The following ESR1 variants were observed in gnomAD, a reference collection of about 807,000 sequenced individuals.
The protein encoded by ESR1 is estrogen receptor 1, also known as estrogen receptor.
In ESR1, 12 loss-of-function variants were observed where a neutral mutation model predicts 52.7. That is an observed-to-expected ratio of 0.23 (90% CI 0.15 to 0.37). The LOEUF (loss-of-function observed/expected upper bound fraction) is 0.37. Ranked by LOEUF, ESR1 falls within the 10% of genes least tolerant of loss-of-function variation. The probability of loss-of-function intolerance (pLI) is 1.00; values close to 1 mark genes in which losing one functional copy is unlikely to be tolerated. For synonymous variants in ESR1, 305 were observed against 316.8 expected (o/e 0.96, Z 0.39); for missense variants, 584 against 779.7 (o/e 0.75, Z 2.99).
intron 4 of ESR1, among the ~76,000 whole-genome samples, chr6:151,980,231 A>G (rs1250888170): frequency 6.6e-6 from 1 of 152,186 alleles, no homozygotes; most frequent in Admixed American, 6.5e-5. Flanking sequence ...TCCAATTTGT[A>G]TTCTTCTTCT....
At chr6:151,673,707 A>T (rs2115264068) in intron 1 of ESR1, among the ~76,000 whole-genome samples, 1 of 152,218 alleles carries the variant, frequency 6.6e-6, no homozygotes, top group Non-Finnish European at 1.5e-5. Flanking sequence ...ACATAGTGAG[A>T]CCCTATCTCA....
intron 3 of ESR1, among the ~76,000 whole-genome samples, chr6:151,913,236 G>A (rs1798551661): frequency 6.6e-6 from 1 of 152,054 alleles, no homozygotes; most frequent in South Asian, 2.1e-4. Flanking sequence ...CCCACCACGT[G>A]CGGATTTTCA....
chr6:151,944,582 G>T, intron 4 of ESR1, 74 bp downstream of exon 4: 1 of 1,360,852 alleles, frequency 7.3e-7, no homozygotes, highest in African/African-American at 1.4e-5. Flanking sequence ...GGGAGAAATA[G>T]TGGGGGAAAA....
At chr6:151,672,846 T>A (rs1482215674) in intron 1 of ESR1, among the ~76,000 whole-genome samples, 114 of 127,788 alleles carry the variant, frequency 8.9e-4, no homozygotes, top group Non-Finnish European at 2.2e-4. Flanking sequence ...TTTTTTTTTT[T>A]GAGATGGAGT....
At chr6:151,955,372 G>A (rs1410194977) in intron 4 of ESR1, among the ~76,000 whole-genome samples, 2 of 152,104 alleles carry the variant, frequency 1.3e-5, no homozygotes, top group Non-Finnish European at 2.9e-5. Flanking sequence ...AAAAAGGGTT[G>A]AAATGGTAAA....
downstream of ESR1, among the ~76,000 whole-genome samples, chr6:152,104,144 C>T (rs1206706995): frequency 6.6e-6 from 1 of 152,120 alleles, no homozygotes; most frequent in Admixed American, 6.6e-5. Flanking sequence ...GTGGCTGACA[C>T]TGCTTCTCCC....
At position 152,101,977 on chromosome 6, in the gene ESR1, T is replaced by G. The variant is rs2050977519; in HGVS notation, c.*3011T>G. 1 of 215,640 alleles carries G rather than the reference T, an allele frequency of 4.6e-6. No individual in the cohort carries two copies. The allele number at this position is 215,640 out of a possible 1,614,324, so 13.4% of individuals were successfully genotyped here. ...CATGGAATAGCTAGTGGTCTGTGTT[T>G]CTTTTCGCCATTGCCTAGCTTGCCG... On this transcript the variant is annotated 3_prime_UTR_variant, in exon 8 of 8. Transcript: ENST00000206249.
At chr6:151,677,030 C>T (rs899422152) in intron 1 of ESR1, among the ~76,000 whole-genome samples, 1 of 152,072 alleles carries the variant, frequency 6.6e-6, no homozygotes, top group African/African-American at 2.4e-5. Context: ...CATATATATC[C>T]ATAAAGATGA....
At chr6:151,765,513 T>C (rs1365798240) in intron 2 of ESR1, among the ~76,000 whole-genome samples, 2 of 152,254 alleles carry the variant, frequency 1.3e-5, no homozygotes, top group Non-Finnish European at 2.9e-5. Context: ...GGACACATTG[T>C]GTTACTCTCG....
intron 3 of ESR1, among the ~76,000 whole-genome samples, chr6:151,927,852 G>A (rs1165860660): frequency 4.0e-5 from 6 of 151,472 alleles, no homozygotes; most frequent in African/African-American, 1.5e-4. Context: ...CGAGTAGCTG[G>A]TATTACAGGC....
At chr6:152,001,799 T>C (rs2041968776) in intron 4 of ESR1, among the ~76,000 whole-genome samples, 1 of 152,010 alleles carries the variant, frequency 6.6e-6, no homozygotes, top group African/African-American at 2.4e-5. Flanking sequence ...TCTCTCTTTG[T>C]TGCTGAAATT....
At chr6:151,686,081 T>A (rs1005203732), upstream of ESR1, among the ~76,000 whole-genome samples, 2 of 147,842 alleles carry the variant, frequency 1.4e-5, no homozygotes, top group Non-Finnish European at 3.0e-5. Context: ...TTTTTTTTTT[T>A]TTTTTTTATT....
chr6:151,948,227 G>A (rs2035932823), intron 4 of ESR1, among the ~76,000 whole-genome samples: 1 of 152,092 alleles, frequency 6.6e-6, no homozygotes, highest in Non-Finnish European at 1.5e-5. Context: ...TTCCCCAGAA[G>A]CTTGAATTGT....
upstream of ESR1, among the ~76,000 whole-genome samples, chr6:151,806,215 A>G (rs1777809425): frequency 6.6e-6 from 1 of 152,156 alleles, no homozygotes; most frequent in African/African-American, 2.4e-5. Context: ...CATTAATGCT[A>G]AACTCGATTT....
downstream of ESR1, among the ~76,000 whole-genome samples, chr6:152,107,946 C>T (rs2051085355): frequency 6.6e-6 from 1 of 152,204 alleles, no homozygotes; most frequent in Non-Finnish European, 1.5e-5. Flanking sequence ...TGACTAGGCT[C>T]AAACACCCTA....
At chr6:151,824,437 A>G (rs1244953425) in intron 1 of ESR1, among the ~76,000 whole-genome samples, 1 of 152,078 alleles carries the variant, frequency 6.6e-6, no homozygotes, top group Non-Finnish European at 1.5e-5. Flanking sequence ...GTTCACTCTG[A>G]CGGTAGTTTC....
intron 1 of ESR1, among the ~76,000 whole-genome samples, chr6:151,823,554 G>A (rs967154793): frequency 7.9e-5 from 12 of 152,056 alleles, no homozygotes; most frequent in Non-Finnish European, 1.6e-4. Flanking sequence ...CATGTGCCAT[G>A]TTGGTGTGCT....
intron 4 of ESR1, among the ~76,000 whole-genome samples, chr6:151,947,102 G>A (rs2035788428): frequency 6.6e-6 from 1 of 152,204 alleles, no homozygotes; most frequent in African/African-American, 2.4e-5. Flanking sequence ...TGGATCACCT[G>A]AGGTCAGGAG....
chr6:152,047,117 A>G (rs1185243233), intron 5 of ESR1, among the ~76,000 whole-genome samples: 2 of 152,006 alleles, frequency 1.3e-5, no homozygotes, highest in Non-Finnish European at 2.9e-5. Flanking sequence ...GGAAACTAAA[A>G]TTGCCCCCTA....
Sources: allele counts gnomAD v4.1 joint callset (sites outside exome capture counted in the v4.1 genomes callset), GRCh38; gene constraint gnomAD v4.1.1; transcripts MANE v1.5; gene names NCBI Gene and HGNC (gene_info 2026-07-23, HGNC 2026-07-21).